KDM2B: variants seen among roughly 807,000 people sequenced by gnomAD.
KDM2B encodes lysine-specific demethylase 2B.
A neutral mutation model predicts 150.0 loss-of-function variants in KDM2B; 26 were observed. That is an observed-to-expected ratio of 0.17 (90% CI 0.13 to 0.24). KDM2B has a LOEUF of 0.24. Among genes scored for constraint, KDM2B ranks in the 10% least tolerant of loss-of-function variants. KDM2B has a pLI of 1.00. For missense variants in KDM2B, 1,265 were observed against 1,816.9 expected (o/e 0.70, Z 5.52); for synonymous variants, 734 against 729.5 (o/e 1.01, Z -0.10).
chr12:121,426,853 AC>A (rs1485489309), downstream of KDM2B, among the ~76,000 whole-genome samples: 5 of 151,722 alleles, frequency 3.3e-5, no homozygotes, highest in Non-Finnish European at 7.4e-5. Flanking sequence ...CAAACTCCTG[AC>A]CTCGGGTGAT....
chr12:121,429,914 C>CA lies in KDM2B; in HGVS notation c.*373dup. 1.6e-6 allele frequency: 1 copy of CA among 615,562 alleles called. No homozygotes were observed. The highest frequency in any genetic ancestry group is 2.7e-5 in the East Asian group (1 of 36,488). 38.1% of individuals were successfully genotyped at this position (615,562 alleles called of 1,614,324 possible). ...GTGTGGTCCACTTTATGTCAACACC[C>CA]AAAACCTCGGTGTTGCAAGGAATGA... On this transcript the variant is annotated 3_prime_UTR_variant, in exon 23 of 23. Transcript: ENST00000377071.
chr12:121,417,222 T>A, the KDM2B span, among the ~76,000 whole-genome samples: 1 of 152,228 alleles, frequency 6.6e-6, no homozygotes, highest in Admixed American at 6.5e-5. This position sits in a 1 kb window ranked among gnomAD's most constrained non-coding sequence, Gnocchi z 5.0. Flanking sequence ...GTTTTGTTAA[T>A]TACATGTTTA....
chr12:121,541,559 C>T (rs970792440), intron 6 of KDM2B, among the ~76,000 whole-genome samples: 35 of 151,890 alleles, frequency 2.3e-4, no homozygotes, highest in African/African-American at 8.0e-4. Context: ...AAAATGTACA[C>T]AAAATGTGCC....
In KDM2B at chr12:121,569,395, C is replaced by G. The variant is rs1279235298; in HGVS notation, c.397+5152G>C. Reference sequence around the variant, plus strand: ...CCCCTTCTTCACCCACCCTCCCTACCCTCCCATGGGGAGAAGCCTGCCAAG... The same window carrying G: ...CCCCTTCTTCACCCACCCTCCCTACGCTCCCATGGGGAGAAGCCTGCCAAG... On this transcript the variant is annotated intron_variant, in intron 4 of 22. Transcript: ENST00000377071. Among the ~76,000 whole-genome samples, 5 of 152,168 alleles carry G rather than the reference C, an allele frequency of 3.3e-5. No individual in the cohort carries two copies. The South Asian group carries it at 8.3e-4, about 25-fold the overall frequency.
intron 22 of KDM2B, among the ~76,000 whole-genome samples, chr12:121,438,736 G>A (rs1331713825): frequency 6.6e-6 from 1 of 151,908 alleles, no homozygotes; most frequent in Non-Finnish European, 1.5e-5. Context: ...GTGGGATGCA[G>A]AGGAGAAAAC....
chr12:121,496,048 T>C (rs1387452663), intron 11 of KDM2B, among the ~76,000 whole-genome samples: 1 of 152,076 alleles, frequency 6.6e-6, no homozygotes, highest in African/African-American at 2.4e-5. Context: ...TATAAAATGC[T>C]ACCCAGCTGA....
intron 9 of KDM2B, chr12:121,516,728 G>GCCCT: frequency 3.1e-6 from 2 of 638,430 alleles, no homozygotes; most frequent in South Asian, 3.6e-5. Context: ...GGAGGTCCAA[G>GCCCT]TCATCTTCAA....
Position 121,492,637 on chromosome 12 carries a change from G to A in KDM2B, c.1734+1942C>T, listed in dbSNP as rs191570293. On this transcript the variant is annotated intron_variant, in intron 12 of 22. Transcript: ENST00000377071. ...ATAAGTGTTTGAAATTGACCAGACTGCCCAACATGGCAAAACTCTGTCTCT... is the reference window on the plus strand; with the variant it reads ...ATAAGTGTTTGAAATTGACCAGACTACCCAACATGGCAAAACTCTGTCTCT... 2.8e-3 allele frequency among the ~76,000 whole-genome samples: 426 copies of A among 150,824 alleles called. 1 individual carries two copies. The highest frequency in any genetic ancestry group is 9.8e-3 in the African/African-American group (402 of 41,178).
intron 17 of KDM2B, chr12:121,443,434 G>A (rs563892425): frequency 1.7e-4 from 98 of 588,866 alleles, no homozygotes; most frequent in South Asian, 9.8e-4. Flanking sequence ...CCCGTGGGTG[G>A]AGCAGGGCCA....
the KDM2B span, among the ~76,000 whole-genome samples, chr12:121,414,396 T>C: frequency 6.6e-6 from 1 of 150,908 alleles, no homozygotes; most frequent in African/African-American, 2.4e-5. Context: ...AATTTATTCT[T>C]TTATGTATAC....
intron 12 of KDM2B, among the ~76,000 whole-genome samples, chr12:121,483,489 A>C (rs1882385685): frequency 6.6e-6 from 1 of 152,074 alleles, no homozygotes; most frequent in Non-Finnish European, 1.5e-5. Flanking sequence ...CCTTGGCAGC[A>C]TGGCAAGACC....
Position 121,518,194 on chromosome 12 carries a change from A to C in KDM2B, c.1047+2791T>G, listed in dbSNP as rs1319142270. 2.0e-5 allele frequency among the ~76,000 whole-genome samples: 3 copies of C among 152,156 alleles called. No individual in the cohort carries two copies. The highest frequency in any genetic ancestry group is 7.2e-5 in the African/African-American group (3 of 41,442). On this transcript the variant is annotated intron_variant, in intron 9 of 22. Transcript: ENST00000377071. The surrounding 1 kb of genome is among the most constrained non-coding windows in gnomAD (Gnocchi z 4.4). ...AGGCGTGAGTCACCATGCCCAGCCTATAAAACAGTATTTTTAAATGGCCAT... is the reference window on the plus strand; with the variant it reads ...AGGCGTGAGTCACCATGCCCAGCCTCTAAAACAGTATTTTTAAATGGCCAT...
At chr12:121,542,196 A>G (rs983468792) in intron 6 of KDM2B, among the ~76,000 whole-genome samples, 7 of 152,244 alleles carry the variant, frequency 4.6e-5, no homozygotes, top group African/African-American at 7.2e-5. Context: ...AAGCAGACCT[A>G]TGGAGAGCTA....
chr12:121,509,051 G>T (rs1279514187), intron 11 of KDM2B, among the ~76,000 whole-genome samples: 1 of 152,002 alleles, frequency 6.6e-6, no homozygotes, highest in East Asian at 1.9e-4. Context: ...CCAAAAGGGG[G>T]TCCTCTACAG....
intron 12 of KDM2B, among the ~76,000 whole-genome samples, chr12:121,477,924 T>G (rs1210817493): frequency 6.6e-6 from 1 of 151,610 alleles, no homozygotes; most frequent in African/African-American, 2.4e-5. Context: ...AAAATTTTTA[T>G]GGAGACGGGG....
At chr12:121,578,359 C>T (rs1397164805) in intron 2 of KDM2B, among the ~76,000 whole-genome samples, 1 of 152,156 alleles carries the variant, frequency 6.6e-6, no homozygotes, top group Non-Finnish European at 1.5e-5. Context: ...CAAGCGGGAA[C>T]GGGATTGGGA....
At position 121,533,162 on chromosome 12, in the gene KDM2B, C is replaced by A. The variant is rs1555308123; in HGVS notation, c.778-203G>T. On this transcript the variant is annotated intron_variant, in intron 7 of 22. Coordinates refer to ENST00000377071, the MANE Select transcript of KDM2B (RefSeq NM_032590.5). The surrounding 1 kb of genome is among the most constrained non-coding windows in gnomAD (Gnocchi z 4.1). ...CTCTGGGGAGGCAGGAAGGGCTGTG[C>A]CCACCTTCAGGGAACCTCCATTCCT... 6.6e-6 allele frequency among the ~76,000 whole-genome samples: 1 copy of A among 152,154 alleles called. No individual in the cohort carries two copies. The highest frequency in any genetic ancestry group is 2.4e-5 in the African/African-American group (1 of 41,428).
rs1555288773 is a variant in KDM2B at position 121,442,623 on chromosome 12, G to A, written c.2818C>T (p.Arg940Trp). The change falls in exon 19 of 23, where the codon CGG becomes TGG. Residue 940 changes from arginine (R) to tryptophan (W), a missense_variant. Physicochemically the swap from Arg to Trp is moderately radical, Grantham distance 101. Transcript: ENST00000377071. This position sits in a 1 kb window ranked among gnomAD's most constrained non-coding sequence, Gnocchi z 7.7. Reference protein sequence around the residue: ...KKKVKMRRKRRLPNKELSREL... With the variant: ...KKKVKMRRKRWLPNKELSREL... ...CTGCTCAGCTCCTTGTTGGGAAGCCGCCGCTTCCGGCGCATCTTCACCTTC... is the reference window on the plus strand; with the variant it reads ...CTGCTCAGCTCCTTGTTGGGAAGCCACCGCTTCCGGCGCATCTTCACCTTC... 6.9e-6 allele frequency: 11 copies of A among 1,602,574 alleles called. No homozygotes were observed. Among genetic ancestry groups the A allele is most frequent in the African/African-American group, 1.3e-5 (1 of 75,004 alleles).
chr12:121,562,794 G>C (rs954633812), intron 4 of KDM2B, among the ~76,000 whole-genome samples: 2 of 152,096 alleles, frequency 1.3e-5, no homozygotes, highest in South Asian at 2.1e-4. Context: ...TGTGAGGTTC[G>C]ATCCCTCCAA....
Sources: gnomAD v4.1 joint callset for allele counts (sites outside exome capture counted in the v4.1 genomes callset) on GRCh38, gnomAD v4.1.1 for gene constraint, Gnocchi (gnomAD v3.1) non-coding constraint, MANE v1.5 for transcripts, NCBI Gene and HGNC (gene_info 2026-07-23, HGNC 2026-07-21) for gene names.